AUTS2: variants seen among roughly 807,000 people sequenced by gnomAD.
AUTS2 encodes autism susceptibility gene 2 protein.
Under a neutral mutation model 112.4 loss-of-function variants are expected in AUTS2, and 17 were observed. That is an observed-to-expected ratio of 0.15 (90% CI 0.10 to 0.23). The LOEUF is 0.23. AUTS2 is among the 10% of genes least tolerant of loss of function. The pLI, the probability that AUTS2 is intolerant of heterozygous loss-of-function variation, is 1.00. For missense variants in AUTS2, 1,510 were observed against 1,701.6 expected (o/e 0.89, Z 1.98); for synonymous variants, 751 against 702.7 (o/e 1.07, Z -1.09).
intron 6 of AUTS2, among the ~76,000 whole-genome samples, chr7:70,735,619 A>C (rs1196828840): frequency 6.6e-6 from 1 of 152,156 alleles, no homozygotes. Flanking sequence ...GGTAGCCTAA[A>C]TGACTTTCCC....
intron 4 of AUTS2, among the ~76,000 whole-genome samples, chr7:70,222,600 G>GTT (rs557859190): frequency 2.8e-5 from 4 of 144,376 alleles, no homozygotes; most frequent in African/African-American, 5.0e-5. Context: ...AACTGGTAGA[G>GTT]TTTTTTTTTT....
intron 1 of AUTS2, among the ~76,000 whole-genome samples, chr7:69,895,900 A>G (rs1423400147): frequency 2.0e-5 from 3 of 152,340 alleles, no homozygotes; most frequent in East Asian, 1.9e-4. Context: ...TCATTTGTTT[A>G]TTAATCTGAT....
At chr7:70,527,691 AT>A (rs1477751016) in intron 5 of AUTS2, among the ~76,000 whole-genome samples, 1 of 152,228 alleles carries the variant, frequency 6.6e-6, no homozygotes, top group Non-Finnish European at 1.5e-5. Context: ...AACAGTGGAA[AT>A]GGGCTTCTGG....
chr7:69,904,008 G>T (rs1303474180), intron 2 of AUTS2, among the ~76,000 whole-genome samples: 1 of 152,202 alleles, frequency 6.6e-6, no homozygotes, highest in Non-Finnish European at 1.5e-5. Flanking sequence ...TTTCTAGGAA[G>T]AAGAGGAATC....
chr7:70,219,572 C>G (rs1208815050), intron 4 of AUTS2, among the ~76,000 whole-genome samples: 1 of 149,840 alleles, frequency 6.7e-6, no homozygotes, highest in Non-Finnish European at 1.5e-5. Flanking sequence ...TTTTTCTTTT[C>G]CTTTTTTTTT....
intron 2 of AUTS2, among the ~76,000 whole-genome samples, chr7:70,001,917 G>C (rs1346011106): frequency 6.6e-6 from 1 of 151,806 alleles, no homozygotes; most frequent in South Asian, 2.1e-4. Flanking sequence ...CACCGTATTG[G>C]TCAGGCTGGT....
chr7:70,571,491 C>T (rs3113261), intron 5 of AUTS2, among the ~76,000 whole-genome samples: 2,506 of 152,244 alleles, frequency 0.016, 72 homozygotes, highest in African/African-American at 0.057. Context: ...GATGGAAGAC[C>T]AGTTTGATGG....
chr7:70,518,490 G>A (rs1384013099), intron 5 of AUTS2, among the ~76,000 whole-genome samples: 1 of 152,012 alleles, frequency 6.6e-6, no homozygotes, highest in African/African-American at 2.4e-5. Flanking sequence ...AGACCATCCT[G>A]GCTAACACGG....
intron 4 of AUTS2, among the ~76,000 whole-genome samples, chr7:70,359,869 C>G (rs1173605194): frequency 1.3e-5 from 2 of 152,110 alleles, no homozygotes; most frequent in African/African-American, 4.8e-5. Context: ...GTGCTGCTAC[C>G]CAAATTTTAA....
chr7:70,695,504 A>C (rs1164840052), intron 5 of AUTS2, among the ~76,000 whole-genome samples: 1 of 152,180 alleles, frequency 6.6e-6, no homozygotes, highest in African/African-American at 2.4e-5. Flanking sequence ...AGCGGGAGAA[A>C]GAACTCGCGC....
intron 1 of AUTS2, among the ~76,000 whole-genome samples, chr7:69,603,930 G>A (rs1792572089): frequency 6.6e-6 from 1 of 152,104 alleles, no homozygotes; most frequent in South Asian, 2.1e-4. Flanking sequence ...AGGAAGCCAC[G>A]TGAGTACCAT....
chr7:70,308,790 T>A (rs942775720), intron 4 of AUTS2, among the ~76,000 whole-genome samples: 1 of 152,178 alleles, frequency 6.6e-6, no homozygotes, highest in African/African-American at 2.4e-5. Context: ...CATATTAATT[T>A]TTTTTTGTAT....
At chr7:69,659,500 C>A (rs1228945215) in intron 1 of AUTS2, among the ~76,000 whole-genome samples, 2 of 147,596 alleles carry the variant, frequency 1.4e-5, no homozygotes, top group African/African-American at 5.0e-5. Flanking sequence ...ATTGGATATC[C>A]ATCAGGGGAT....
chr7:69,885,150 T>C (rs544017147), intron 1 of AUTS2, among the ~76,000 whole-genome samples: 1 of 152,322 alleles, frequency 6.6e-6, no homozygotes, highest in East Asian at 1.9e-4. Context: ...GATAGGTTAT[T>C]TGCAATATGT....
chr7:70,287,130 GTTC>G (rs1788495204), intron 4 of AUTS2, among the ~76,000 whole-genome samples: 1 of 152,156 alleles, frequency 6.6e-6, no homozygotes, highest in Admixed American at 6.5e-5. Context: ...ACATGTTGTT[GTTC>G]TTCTGGTTTT....
chr7:70,721,161 G>A (rs889067170), intron 6 of AUTS2, among the ~76,000 whole-genome samples: 6 of 151,734 alleles, frequency 4.0e-5, no homozygotes, highest in Admixed American at 3.3e-4. Flanking sequence ...CCTGATATAC[G>A]TTCTCTCTAG....
At chr7:70,771,522 T>C (rs776746962) in intron 10 of AUTS2, 27 bp from the exon 11 acceptor site, 1 of 1,576,316 alleles carries the variant, frequency 6.3e-7, no homozygotes, top group South Asian at 1.1e-5. Flanking sequence ...TAAAATCTTT[T>C]TTCCCCCTCT....
At chr7:70,339,516 A>G (rs558446781) in intron 4 of AUTS2, among the ~76,000 whole-genome samples, 3 of 152,324 alleles carry the variant, frequency 2.0e-5, no homozygotes, top group Non-Finnish European at 4.4e-5. Flanking sequence ...CATCTATTGT[A>G]TTAATAAGGA....
Position 70,333,976 on chromosome 7 carries a change from C to G in AUTS2, c.661-101776C>G, listed in dbSNP as rs1203080350. ...TGTAATAATAATAAAAAAAGAAATA[C>G]AGCTGATTTTTGTGTGTTGATCTTG... On this transcript the variant is annotated intron_variant, in intron 4 of 18. Coordinates refer to ENST00000342771, the MANE Select transcript of AUTS2 (RefSeq NM_015570.4). Among the ~76,000 whole-genome samples the G allele has an allele frequency of 2.0e-5, 3 of 151,984 alleles. No homozygotes were observed. The East Asian group carries it at 5.8e-4, about 29-fold the overall frequency.
Sources: gnomAD v4.1 joint callset for allele counts (sites outside exome capture counted in the v4.1 genomes callset) on GRCh38, gnomAD v4.1.1 for gene constraint, MANE v1.5 for transcripts, NCBI Gene and HGNC (gene_info 2026-07-23, HGNC 2026-07-21) for gene names.